The following RGL1 variants were observed in gnomAD, a reference collection of about 807,000 sequenced individuals.
RGL1 encodes ral guanine nucleotide dissociation stimulator like 1.
RGL1 carries 24 observed loss-of-function variants against 95.2 expected under a neutral mutation model. The observed-to-expected ratio is 0.25, with a 90% CI of 0.18 to 0.35. RGL1 has a LOEUF of 0.35. Among genes scored for constraint, RGL1 ranks in the 10% least tolerant of loss-of-function variants. The pLI is 1.00. For missense variants in RGL1, 715 were observed against 936.3 expected (o/e 0.76, Z 3.08); for synonymous variants, 329 against 344.9 (o/e 0.95, Z 0.51).
intron 2 of RGL1, among the ~76,000 whole-genome samples, chr1:183,786,393 G>A (rs1660181366): frequency 6.6e-6 from 1 of 152,128 alleles, no homozygotes; most frequent in African/African-American, 2.4e-5. Flanking sequence ...CTAAAATCCT[G>A]TCTCTAAACA....
chr1:183,736,334 G>A (rs1227643263), intron 1 of RGL1, among the ~76,000 whole-genome samples: 6 of 152,146 alleles, frequency 3.9e-5, no homozygotes, highest in African/African-American at 1.4e-4. Context: ...GGAGGTGAAT[G>A]CTTTACTTTT....
chr1:183,793,556 A>G (rs1460181181), intron 2 of RGL1, among the ~76,000 whole-genome samples: 1 of 152,096 alleles, frequency 6.6e-6, no homozygotes, highest in Non-Finnish European at 1.5e-5. Context: ...TATATAAGGA[A>G]CTCAAAGAAC....
At chr1:183,645,043 A>G (rs1011325242) in intron 1 of RGL1, among the ~76,000 whole-genome samples, 1 of 152,198 alleles carries the variant, frequency 6.6e-6, no homozygotes, top group Non-Finnish European at 1.5e-5. Context: ...TTCTAAGCAG[A>G]TGTCAGTCAC....
intron 2 of RGL1, among the ~76,000 whole-genome samples, chr1:183,774,462 A>T (rs1659479834): frequency 6.6e-6 from 1 of 152,196 alleles, no homozygotes; most frequent in African/African-American, 2.4e-5. Flanking sequence ...GTCATTTGCC[A>T]TCTTTAACTG....
chr1:183,837,667 T>C (rs1663764372), intron 2 of RGL1, among the ~76,000 whole-genome samples: 1 of 152,186 alleles, frequency 6.6e-6, no homozygotes, highest in Non-Finnish European at 1.5e-5. Context: ...CGACAGTAAA[T>C]TGGCTCCAAA....
At chr1:183,856,451 A>G (rs1665154381) in intron 3 of RGL1, among the ~76,000 whole-genome samples, 1 of 151,916 alleles carries the variant, frequency 6.6e-6, no homozygotes, top group African/African-American at 2.4e-5. Context: ...TAGAAGTTAA[A>G]CATTAATAAA....
intron 1 of RGL1, among the ~76,000 whole-genome samples, chr1:183,730,951 C>T (rs1011402792): frequency 6.6e-6 from 1 of 152,052 alleles, no homozygotes; most frequent in African/African-American, 2.4e-5. Flanking sequence ...TCTTTTTGTC[C>T]CGTCTGAAGT....
intron 3 of RGL1, among the ~76,000 whole-genome samples, chr1:183,856,117 A>G (rs1236303455): frequency 6.6e-6 from 1 of 152,164 alleles, no homozygotes; most frequent in African/African-American, 2.4e-5. Context: ...AGCTTAACAT[A>G]CAATCATATT....
At chr1:183,917,947 C>T (rs1426964174) in intron 16 of RGL1, among the ~76,000 whole-genome samples, 1 of 152,096 alleles carries the variant, frequency 6.6e-6, no homozygotes, top group Non-Finnish European at 1.5e-5. Flanking sequence ...CTATCATGTT[C>T]CATGTAGGAG....
At chr1:183,884,218 C>T (rs1666991497) in intron 6 of RGL1, among the ~76,000 whole-genome samples, 2 of 152,206 alleles carry the variant, frequency 1.3e-5, no homozygotes, top group South Asian at 4.1e-4. Context: ...TCCCTTTACA[C>T]TCATAAATAT....
chr1:183,700,370 G>T (rs921498760), intron 1 of RGL1, among the ~76,000 whole-genome samples: 10 of 151,914 alleles, frequency 6.6e-5, no homozygotes, highest in African/African-American at 2.4e-4. Context: ...ATAAATATGG[G>T]ATCTCACATG....
At chr1:183,827,441 T>C (rs975686009) in intron 2 of RGL1, among the ~76,000 whole-genome samples, 1 of 152,244 alleles carries the variant, frequency 6.6e-6, no homozygotes, top group South Asian at 2.1e-4. Context: ...TCTCTCCCAC[T>C]GGTTTTGCTT....
chr1:183,856,203 T>A (rs1186310922), intron 3 of RGL1, among the ~76,000 whole-genome samples: 1 of 152,030 alleles, frequency 6.6e-6, no homozygotes, highest in Non-Finnish European at 1.5e-5. Context: ...ACAGATGAGT[T>A]TAAATAGATT....
intron 2 of RGL1, among the ~76,000 whole-genome samples, chr1:183,782,126 G>T (rs997127129): frequency 1.3e-5 from 2 of 152,166 alleles, no homozygotes; most frequent in African/African-American, 2.4e-5. Context: ...GGCCAGAAAA[G>T]GATGTGGGTT....
At chr1:183,706,974 A>G (rs1654954543) in intron 1 of RGL1, among the ~76,000 whole-genome samples, 1 of 152,174 alleles carries the variant, frequency 6.6e-6, no homozygotes, top group Non-Finnish European at 1.5e-5. Context: ...TCATGGCTTC[A>G]GTTAAACGAG....
At chr1:183,913,196 T>TC (rs1208562986) in intron 15 of RGL1, among the ~76,000 whole-genome samples, 1 of 135,746 alleles carries the variant, frequency 7.4e-6, no homozygotes, top group African/African-American at 2.8e-5. Context: ...TTTTTTTTTT[T>TC]TTTTTTTTTT....
At chr1:183,671,730 T>C (rs1652465578) in intron 1 of RGL1, among the ~76,000 whole-genome samples, 1 of 152,164 alleles carries the variant, frequency 6.6e-6, no homozygotes, top group African/African-American at 2.4e-5. Context: ...GGAGCTAAAC[T>C]CAGTTCAATC....
chr1:183,889,237 A>G lies in RGL1; in HGVS notation c.1055+660A>G, dbSNP rs528944490. Among the ~76,000 whole-genome samples the G allele has an allele frequency of 1.3e-4, 20 of 152,224 alleles. No homozygotes were observed. The East Asian group carries it at 3.7e-3, about 28-fold the overall frequency. On this transcript the variant is annotated intron_variant, in intron 8 of 17. Coordinates refer to ENST00000360851, the MANE Select transcript of RGL1 (RefSeq NM_001297671.3). The stretch of plus-strand genomic sequence containing the variant: ...TCAAAGAACTTTGTGCAAAGGAAGG[A>G]AAGGTGAGGGAGGGGGCAGTTCTGA...
At chr1:183,696,163 C>T (rs1215867062) in intron 1 of RGL1, among the ~76,000 whole-genome samples, 4 of 152,288 alleles carry the variant, frequency 2.6e-5, no homozygotes, top group East Asian at 3.9e-4. Flanking sequence ...TCTCAGTTCT[C>T]ACTTCATGGG....
Sources: gnomAD v4.1 joint callset for allele counts (sites outside exome capture counted in the v4.1 genomes callset) on GRCh38, gnomAD v4.1.1 for gene constraint, MANE v1.5 for transcripts, NCBI Gene and HGNC (gene_info 2026-07-23, HGNC 2026-07-21) for gene names.